The following CACNB2 variants were observed in gnomAD, a reference collection of about 807,000 sequenced individuals.
The protein encoded by CACNB2 is voltage-dependent L-type calcium channel subunit beta-2.
A neutral mutation model predicts 73.3 loss-of-function variants in CACNB2; 42 were observed. The observed-to-expected ratio is 0.57, with a 90% CI of 0.45 to 0.74. CACNB2 has a LOEUF of 0.74. CACNB2 is among the 30% of genes least tolerant of loss of function. The probability of loss-of-function intolerance (pLI) is 0.00; values close to 1 mark genes in which losing one functional copy is unlikely to be tolerated. For missense variants in CACNB2, 940 were observed against 853.0 expected, an observed-to-expected ratio of 1.10 and a Z score of -1.27; for synonymous variants, 348 against 310.3, an observed-to-expected ratio of 1.12 and a Z score of -1.28.
chr10:18,267,968 C>A, intron 2 of CACNB2, among the ~76,000 whole-genome samples: 1 of 152,212 alleles, frequency 6.6e-6, no homozygotes, highest in East Asian at 1.9e-4. Flanking sequence ...GAGTCTTACT[C>A]TTAAGTTTTC....
chr10:18,419,182 T>C (rs2045177583), intron 3 of CACNB2, among the ~76,000 whole-genome samples: 1 of 152,214 alleles, frequency 6.6e-6, no homozygotes. Flanking sequence ...TACTTGCTTC[T>C]CCTCTGAGCG....
intron 3 of CACNB2, among the ~76,000 whole-genome samples, chr10:18,491,929 T>C (rs1023220493): frequency 1.3e-5 from 2 of 150,484 alleles, no homozygotes; most frequent in African/African-American, 4.9e-5. Flanking sequence ...TACACTGTTA[T>C]AAAGAAATAC....
At chr10:18,468,006 A>G (rs1027185841) in intron 3 of CACNB2, among the ~76,000 whole-genome samples, 1 of 152,214 alleles carries the variant, frequency 6.6e-6, no homozygotes. Flanking sequence ...ATGAATTCAC[A>G]ATGTATGACT....
chr10:18,289,335 C>T (rs867622509), intron 2 of CACNB2, among the ~76,000 whole-genome samples: 4 of 130,078 alleles, frequency 3.1e-5, no homozygotes, highest in Middle Eastern at 6.0e-3. Flanking sequence ...CACTCTGTTG[C>T]CCAGGCTGGA....
At position 18,476,818 on chromosome 10, in the gene CACNB2, G is replaced by C. The variant is rs930420122; in HGVS notation, c.334-21537G>C. Among the ~76,000 whole-genome samples, 16 of 152,228 alleles carry C rather than the reference G, an allele frequency of 1.1e-4. No individual in the cohort carries two copies. In the East Asian group the frequency reaches 3.1e-3, roughly 29 times the overall value. On this transcript the variant is annotated intron_variant, in intron 3 of 13. Coordinates refer to ENST00000324631, the MANE Select transcript of CACNB2 (RefSeq NM_201596.3). ...ACTTGAGGTCAGGAGTTCTAGACCAGTCTGGCCAACATGGTGAAACTCCGT... is the reference window on the plus strand; with the variant it reads ...ACTTGAGGTCAGGAGTTCTAGACCACTCTGGCCAACATGGTGAAACTCCGT...
chr10:18,292,744 C>T (rs2039118649), intron 2 of CACNB2, among the ~76,000 whole-genome samples: 1 of 152,110 alleles, frequency 6.6e-6, no homozygotes, highest in African/African-American at 2.4e-5. Context: ...ATAACGAGAA[C>T]AATCTGTAAA....
Position 18,449,420 on chromosome 10 carries a change from A to C in CACNB2, c.333+47377A>C, listed in dbSNP as rs537271402. ...AAAAATAAAACACACAACAACAAAA[A>C]ACAGAGAACTCCAGTTCTACCTCTC... On this transcript the variant is annotated intron_variant, in intron 3 of 13. Coordinates refer to ENST00000324631, the MANE Select transcript of CACNB2 (RefSeq NM_201596.3). Among the ~76,000 whole-genome samples the C allele has an allele frequency of 3.9e-5, 6 of 152,152 alleles. No individual in the cohort carries two copies. The East Asian group carries it at 9.7e-4, about 25-fold the overall frequency.
intron 1 of CACNB2, chr10:18,141,198 C>G: frequency 1.0e-6 from 1 of 991,290 alleles, no homozygotes; most frequent in African/African-American, 1.7e-5. Context: ...GGGGAGTGGA[C>G]TGGACCTGCT....
intron 3 of CACNB2, among the ~76,000 whole-genome samples, chr10:18,449,532 G>C (rs2046914480): frequency 6.6e-6 from 1 of 152,182 alleles, no homozygotes; most frequent in Non-Finnish European, 1.5e-5. Flanking sequence ...GCTAAGAACC[G>C]TAGATACTTA....
chr10:18,362,234 T>G (rs991058907), intron 2 of CACNB2, among the ~76,000 whole-genome samples: 8 of 152,238 alleles, frequency 5.3e-5, no homozygotes, highest in African/African-American at 1.7e-4. Flanking sequence ...TTTTTCTTGT[T>G]AAGGACTTCT....
chr10:18,420,328 C>CAGAG (rs2045252544), intron 3 of CACNB2, among the ~76,000 whole-genome samples: 2 of 128,736 alleles, frequency 1.6e-5, no homozygotes, highest in African/African-American at 5.5e-5. Flanking sequence ...CACACACACA[C>CAGAG]ACAGAGAGAG....
At chr10:18,444,287 G>T (rs2046625923) in intron 3 of CACNB2, among the ~76,000 whole-genome samples, 1 of 152,100 alleles carries the variant, frequency 6.6e-6, no homozygotes, top group Admixed American at 6.6e-5. Context: ...CAGAGAGAAG[G>T]TGTCATTCTT....
Position 18,260,641 on chromosome 10 carries a change from G to A in CACNB2, c.213+109666G>A, listed in dbSNP as rs190677323. 3.7e-5 allele frequency: 37 copies of A among 987,650 alleles called. No homozygotes were observed. The African/African-American group carries it at 6.1e-4, about 16-fold the overall frequency. The allele number at this position is 987,650 out of a possible 1,614,324, so 61.2% of individuals were successfully genotyped here. On this transcript the variant is annotated intron_variant, in intron 2 of 13. Transcript: ENST00000324631. Reference sequence around the variant, plus strand: ...ACTCAGTCATTTTTCAGGGTCAGGGGAGGAGGGAGAAGTAGCAAATCAGAT... The same window carrying A: ...ACTCAGTCATTTTTCAGGGTCAGGGAAGGAGGGAGAAGTAGCAAATCAGAT...
At chr10:18,383,827 T>C (rs1305790356) in intron 2 of CACNB2, among the ~76,000 whole-genome samples, 1 of 152,130 alleles carries the variant, frequency 6.6e-6, no homozygotes, top group Non-Finnish European at 1.5e-5. Flanking sequence ...CGCCTCAGCC[T>C]CCAGAGTAGC....
chr10:18,290,269 C>T (rs562757164), intron 2 of CACNB2, among the ~76,000 whole-genome samples: 2 of 151,644 alleles, frequency 1.3e-5, no homozygotes, highest in Admixed American at 1.3e-4. Flanking sequence ...TCAGGTGATC[C>T]GCCCACCTCG....
chr10:18,191,529 G>A (rs2034395630), intron 2 of CACNB2, among the ~76,000 whole-genome samples: 1 of 151,992 alleles, frequency 6.6e-6, no homozygotes, highest in Non-Finnish European at 1.5e-5. Context: ...TGAAATTTTG[G>A]TACACCATCA....
intron 2 of CACNB2, among the ~76,000 whole-genome samples, chr10:18,396,669 C>T (rs1470731583): frequency 6.6e-6 from 1 of 152,212 alleles, no homozygotes; most frequent in Non-Finnish European, 1.5e-5. Context: ...CAGGGTTTCA[C>T]CATGTTGGTC....
chr10:18,420,900 A>G (rs937164323), intron 3 of CACNB2, among the ~76,000 whole-genome samples: 6 of 152,220 alleles, frequency 3.9e-5, no homozygotes, highest in Non-Finnish European at 8.8e-5. Flanking sequence ...AACCATAGTC[A>G]TGTTTATGCC....
intron 3 of CACNB2, among the ~76,000 whole-genome samples, chr10:18,491,205 T>C (rs2049400806): frequency 6.6e-6 from 1 of 152,242 alleles, no homozygotes; most frequent in South Asian, 2.1e-4. Flanking sequence ...TCAGTTCTAT[T>C]CATCAGTATT....
Sources: gnomAD v4.1 joint callset for allele counts (sites outside exome capture counted in the v4.1 genomes callset) on GRCh38, gnomAD v4.1.1 for gene constraint, MANE v1.5 for transcripts, NCBI Gene and HGNC (gene_info 2026-07-23, HGNC 2026-07-21) for gene names.